The following SH3GL2 variants were observed in gnomAD, a reference collection of about 807,000 sequenced individuals.
SH3GL2 encodes the protein endophilin-A1.
A neutral mutation model predicts 46.0 loss-of-function variants in SH3GL2; 24 were observed. That is an observed-to-expected ratio of 0.52 (90% CI 0.38 to 0.73). The LOEUF is 0.73. Among genes scored for constraint, SH3GL2 ranks in the 30% least tolerant of loss-of-function variants. The pLI is 0.00. For synonymous variants in SH3GL2, 196 were observed against 147.1 expected, an observed-to-expected ratio of 1.33 and a Z score of -2.40; for missense variants, 413 against 424.2, an observed-to-expected ratio of 0.97 and a Z score of 0.23.
chr9:17,687,431 G>A (rs1268458571), intron 1 of SH3GL2, among the ~76,000 whole-genome samples: 2 of 140,774 alleles, frequency 1.4e-5, no homozygotes, highest in African/African-American at 2.7e-5. Context: ...ATGCTGAATG[G>A]TAACACTGAG....
chr9:17,637,758 A>C (rs1255412848), intron 1 of SH3GL2, among the ~76,000 whole-genome samples: 1 of 152,198 alleles, frequency 6.6e-6, no homozygotes, highest in East Asian at 1.9e-4. Context: ...TGCTTTATGG[A>C]GTCACAGCAC....
At position 17,733,585 on chromosome 9, in the gene SH3GL2, A is replaced by G. The variant is rs550734228; in HGVS notation, c.46-13481A>G. 4.5e-3 allele frequency among the ~76,000 whole-genome samples: 684 copies of G among 150,706 alleles called. 9 individuals are homozygous for G. The highest frequency in any genetic ancestry group is 0.016 in the African/African-American group (647 of 41,322). On this transcript the variant is annotated intron_variant, in intron 1 of 8. Transcript: ENST00000380607. ...GGCAATTCCTCAGGGATCTAGAACT[A>G]GAAATACCATTTGACCCAGCCATCC... is the stretch of plus-strand genomic sequence containing the variant.
At chr9:17,674,180 C>T (rs1411032595) in intron 1 of SH3GL2, among the ~76,000 whole-genome samples, 1 of 152,132 alleles carries the variant, frequency 6.6e-6, no homozygotes, top group Non-Finnish European at 1.5e-5. Context: ...TCTTGGGTAT[C>T]CATTGCTGAC....
intron 3 of SH3GL2, among the ~76,000 whole-genome samples, chr9:17,768,370 CAAAAAAA>C (rs34891273): frequency 6.0e-5 from 4 of 67,224 alleles, no homozygotes; most frequent in African/African-American, 2.1e-4. Context: ...GACTCTGTCT[CAAAAAAA>C]AAAAAAAAAA....
At position 17,723,419 on chromosome 9, in the gene SH3GL2, A is replaced by G. The variant is rs563564553; in HGVS notation, c.46-23647A>G. 1.4e-4 allele frequency among the ~76,000 whole-genome samples: 21 copies of G among 152,226 alleles called. No homozygotes were observed. The South Asian group carries it at 4.1e-3, about 30-fold the overall frequency. On this transcript the variant is annotated intron_variant, in intron 1 of 8. Coordinates refer to ENST00000380607, the MANE Select transcript of SH3GL2 (RefSeq NM_003026.5). ...ATGAGCTGTTATTAATAATTTAGCA[A>G]CTTCTTTCTAAACAAATGATTTTAT... is the stretch of plus-strand genomic sequence containing the variant.
chr9:17,711,056 A>T (rs996891960), intron 1 of SH3GL2, among the ~76,000 whole-genome samples: 2 of 151,906 alleles, frequency 1.3e-5, no homozygotes, highest in African/African-American at 4.8e-5. Flanking sequence ...GAGATCACAG[A>T]TAATGGGGAA....
At chr9:17,750,732 G>A (rs975901618) in intron 2 of SH3GL2, among the ~76,000 whole-genome samples, 9 of 152,146 alleles carry the variant, frequency 5.9e-5, no homozygotes, top group African/African-American at 2.2e-4. Flanking sequence ...AAGAACCTCT[G>A]GTTCCTTCTC....
intron 1 of SH3GL2, among the ~76,000 whole-genome samples, chr9:17,583,756 A>T (rs1228992680): frequency 2.0e-5 from 3 of 152,018 alleles, no homozygotes; most frequent in Non-Finnish European, 2.9e-5. Context: ...AAATTTCATC[A>T]TGTTTGTGTT....
intron 1 of SH3GL2, among the ~76,000 whole-genome samples, chr9:17,646,637 G>C (rs1452177743): frequency 3.3e-5 from 5 of 152,144 alleles, no homozygotes; most frequent in Non-Finnish European, 2.9e-5. Flanking sequence ...CCTGTCTTCT[G>C]CAGGCCTGAT....
At position 17,681,868 on chromosome 9, in the gene SH3GL2, C is replaced by T. The variant is rs147391960; in HGVS notation, c.46-65198C>T. Among the ~76,000 whole-genome samples, 905 of 151,894 alleles carry T rather than the reference C, an allele frequency of 6.0e-3. 12 individuals carry two copies. Among genetic ancestry groups the T allele is most frequent in the African/African-American group, 0.021 (870 of 41,444 alleles). Reference sequence around the variant, plus strand: ...TAAACAAATTTACAAGAAAAAACCCCATCAAAAAGTAGGCAAAGGATATGA... The same window carrying T: ...TAAACAAATTTACAAGAAAAAACCCTATCAAAAAGTAGGCAAAGGATATGA... On this transcript the variant is annotated intron_variant, in intron 1 of 8. Coordinates refer to ENST00000380607, the MANE Select transcript of SH3GL2 (RefSeq NM_003026.5).
At chr9:17,756,513 C>T (rs1200156656) in intron 2 of SH3GL2, among the ~76,000 whole-genome samples, 2 of 127,814 alleles carry the variant, frequency 1.6e-5, no homozygotes, top group South Asian at 2.6e-4. Context: ...GTGTGATGTT[C>T]CCCTTCCTGT....
chr9:17,684,066 G>C (rs1820842899), intron 1 of SH3GL2, among the ~76,000 whole-genome samples: 1 of 152,016 alleles, frequency 6.6e-6, no homozygotes, highest in South Asian at 2.1e-4. Context: ...AAAAAGTGAG[G>C]TAAAACAACA....
At chr9:17,709,357 G>A (rs1821557931) in intron 1 of SH3GL2, among the ~76,000 whole-genome samples, 2 of 151,908 alleles carry the variant, frequency 1.3e-5, no homozygotes, top group Admixed American at 6.6e-5. Context: ...ATTCCTAATC[G>A]CAGATGTAAG....
intron 1 of SH3GL2, among the ~76,000 whole-genome samples, chr9:17,746,501 T>C (rs1280449050): frequency 3.9e-5 from 6 of 152,244 alleles, no homozygotes; most frequent in African/African-American, 1.4e-4. Flanking sequence ...AACAGCTTTC[T>C]ATATGTTTTG....
At chr9:17,715,611 C>T (rs952369954) in intron 1 of SH3GL2, among the ~76,000 whole-genome samples, 4 of 151,858 alleles carry the variant, frequency 2.6e-5, no homozygotes, top group Non-Finnish European at 4.4e-5. Context: ...TAATACCATC[C>T]AGCATATTAT....
At chr9:17,746,297 C>G (rs1022744119) in intron 1 of SH3GL2, among the ~76,000 whole-genome samples, 1 of 152,252 alleles carries the variant, frequency 6.6e-6, no homozygotes, top group East Asian at 1.9e-4. Context: ...AGGATGGTCT[C>G]AATCTCCTGA....
intron 1 of SH3GL2, among the ~76,000 whole-genome samples, chr9:17,670,198 T>A (rs2117955387): frequency 6.6e-6 from 1 of 152,300 alleles, no homozygotes; most frequent in Non-Finnish European, 1.5e-5. Flanking sequence ...TGGACATGCC[T>A]GGCCCCAGCT....
intron 1 of SH3GL2, among the ~76,000 whole-genome samples, chr9:17,737,822 A>T (rs1822386937): frequency 6.6e-6 from 1 of 152,014 alleles, no homozygotes; most frequent in South Asian, 2.1e-4. Context: ...CTCTGGCAAC[A>T]CACTCTCCTG....
chr9:17,621,882 T>C (rs1015088750), intron 1 of SH3GL2, among the ~76,000 whole-genome samples: 2 of 152,204 alleles, frequency 1.3e-5, no homozygotes, highest in Non-Finnish European at 1.5e-5. Context: ...CCGCAGTTTT[T>C]GACTTTTTCT....
Sources: gnomAD v4.1 joint callset for allele counts (sites outside exome capture counted in the v4.1 genomes callset) on GRCh38, gnomAD v4.1.1 for gene constraint, MANE v1.5 for transcripts, NCBI Gene and HGNC (gene_info 2026-07-23, HGNC 2026-07-21) for gene names.